Variants in BLTP1 observed in about 807,000 individuals in gnomAD.
BLTP1 encodes bridge-like lipid transfer protein family member 1, also known as fragile site-associated protein.
chr4:122,305,932 T>C, the BLTP1 span: 2 of 1,610,804 alleles, frequency 1.2e-6, no homozygotes, highest in Non-Finnish European at 1.7e-6. Context: ...AAAACCAGAA[T>C]TGGATTAAGA....
the BLTP1 span, chr4:122,336,145 T>G: frequency 1.4e-6 from 2 of 1,475,716 alleles, no homozygotes; most frequent in Non-Finnish European, 9.2e-7. Flanking sequence ...TCTGTTTAAT[T>G]GGAACTTTTT....
the BLTP1 span, chr4:122,227,271 G>A: frequency 1.0e-6 from 1 of 988,372 alleles, no homozygotes; most frequent in African/African-American, 1.7e-5. Flanking sequence ...CAGGTTTCCT[G>A]ACTCCACATG....
At chr4:122,174,148 T>TAA in the BLTP1 span, 6 of 969,514 alleles carry the variant, frequency 6.2e-6, no homozygotes, top group Non-Finnish European at 7.4e-6. Flanking sequence ...ACCTGCCTTA[T>TAA]AATTGAGTAC....
the BLTP1 span, chr4:122,207,767 C>G: frequency 3.1e-5 from 32 of 1,018,166 alleles, no homozygotes; most frequent in Non-Finnish European, 4.3e-5. Context: ...CCTCCAATGT[C>G]TACTACCTTT....
the BLTP1 span, chr4:122,274,706 A>C: frequency 1.2e-6 from 1 of 841,428 alleles, no homozygotes; most frequent in African/African-American, 1.8e-5. Flanking sequence ...AATTTAGGTC[A>C]GATTTTCAGA....
At chr4:122,234,789 C>G in the BLTP1 span, 2 of 1,606,632 alleles carry the variant, frequency 1.2e-6, no homozygotes, top group South Asian at 2.2e-5. Context: ...GTTTTTATGG[C>G]CAGATGATAT....
chr4:122,220,274 A>G, the BLTP1 span: 4 of 1,568,862 alleles, frequency 2.5e-6, no homozygotes, highest in African/African-American at 2.8e-5. Context: ...TTATTTTCCT[A>G]TACTTCCTTA....
chr4:122,152,734 C>T, the BLTP1 span: 2 of 793,106 alleles, frequency 2.5e-6, no homozygotes, highest in Non-Finnish European at 3.1e-6. Context: ...GCCATCCTTA[C>T]CTACAGCCCT....
the BLTP1 span, chr4:122,169,541 C>A: frequency 1.3e-6 from 1 of 763,176 alleles, no homozygotes; most frequent in African/African-American, 1.9e-5. Context: ...TTGGGTTAGT[C>A]ATATGTTACT....
chr4:122,299,873 T>C, the BLTP1 span: 6 of 984,912 alleles, frequency 6.1e-6, no homozygotes, highest in African/African-American at 1.0e-4. Flanking sequence ...AAAGAAAATG[T>C]AATCTGTATG....
chr4:122,350,346 T>C, the BLTP1 span: 1 of 985,152 alleles, frequency 1.0e-6, no homozygotes, highest in Non-Finnish European at 1.2e-6. Flanking sequence ...TATGAGAATA[T>C]CATGTTCTGG....
At chr4:122,294,044 T>C in the BLTP1 span, among the ~76,000 whole-genome samples, 10 of 152,148 alleles carry the variant, frequency 6.6e-5, no homozygotes, top group Non-Finnish European at 1.2e-4. Context: ...CCCTCCTCAC[T>C]GGGCAGGGCC....
chr4:122,230,299 G>C, the BLTP1 span: 2 of 1,098,648 alleles, frequency 1.8e-6, no homozygotes, highest in African/African-American at 1.6e-5. Flanking sequence ...TGAGAGAATG[G>C]ACTAAGAATA....
the BLTP1 span, chr4:122,304,725 A>AAG: frequency 6.4e-7 from 1 of 1,557,390 alleles, no homozygotes; most frequent in African/African-American, 1.4e-5. Context: ...CATATACTGA[A>AAG]AGACTACATT....
At chr4:122,154,509 G>A in the BLTP1 span, 2 of 982,716 alleles carry the variant, frequency 2.0e-6, no homozygotes, top group Non-Finnish European at 1.2e-6. Flanking sequence ...TTGCTTAACA[G>A]GTGTCAAAAT....
chr4:122,287,517 G>C, the BLTP1 span: 1 of 958,686 alleles, frequency 1.0e-6, no homozygotes, highest in Non-Finnish European at 1.2e-6. Flanking sequence ...TTAGTGGTCT[G>C]CCTTCAGACA....
chr4:122,186,740 T>G, the BLTP1 span, among the ~76,000 whole-genome samples: 1 of 152,060 alleles, frequency 6.6e-6, no homozygotes, highest in Non-Finnish European at 1.5e-5. Context: ...TGGAACAGGA[T>G]CAGCAAACTT....
the BLTP1 span, among the ~76,000 whole-genome samples, chr4:122,326,894 A>G: frequency 6.6e-6 from 1 of 151,776 alleles, no homozygotes; most frequent in Non-Finnish European, 1.5e-5. Context: ...TAACTCAGTA[A>G]CATGTATACT....
At chr4:122,194,915 G>T in the BLTP1 span, among the ~76,000 whole-genome samples, 1 of 145,106 alleles carries the variant, frequency 6.9e-6, no homozygotes, top group African/African-American at 2.5e-5. Context: ...ATTTAAAAAA[G>T]AAAAAAAAAA....
Sources: gnomAD v4.1 joint callset for allele counts (sites outside exome capture counted in the v4.1 genomes callset) on GRCh38, gnomAD v4.1.1 for gene constraint, MANE v1.5 for transcripts, NCBI Gene and HGNC (gene_info 2026-07-23, HGNC 2026-07-21) for gene names.